The following CCT8 variants were observed in gnomAD, a reference collection of about 807,000 sequenced individuals.
The protein encoded by CCT8 is chaperonin containing TCP1 subunit 8.
Under a neutral mutation model 65.7 loss-of-function variants are expected in CCT8, and 10 were observed. The observed-to-expected ratio is 0.15, with a 90% CI of 0.09 to 0.26. The LOEUF is 0.26. Among genes scored for constraint, CCT8 ranks in the 10% least tolerant of loss-of-function variants. The pLI is 1.00. For synonymous variants in CCT8, 199 were observed against 221.8 expected (o/e 0.90, Z 0.92); for missense variants, 568 against 669.1 (o/e 0.85, Z 1.67).
chr21:29,058,735 G>A (rs1166397454), intron 14 of CCT8, among the ~76,000 whole-genome samples: 1 of 151,556 alleles, frequency 6.6e-6, no homozygotes, highest in African/African-American at 2.4e-5. Context: ...GGGACTACAG[G>A]CATCTGCCAC....
chr21:29,062,071 A>T, intron 11 of CCT8, 57 bp downstream of exon 11: 1 of 1,144,164 alleles, frequency 8.7e-7, no homozygotes, highest in Non-Finnish European at 1.3e-6. Flanking sequence ...CTGTACTTTT[A>T]AGACCATACA....
At position 29,069,515 on chromosome 21, in the gene CCT8, A is replaced by G; in HGVS notation, c.152-13T>C. ...ATTTTGTTCATTCCTCAAAAGTAAC[A>G]GTTAAAAAAAGAAAAAGAAAGCCAT... On this transcript the variant is annotated splice_polypyrimidine_tract_variant and intron_variant, in intron 2 of 14. Coordinates refer to ENST00000286788, the MANE Select transcript of CCT8 (RefSeq NM_006585.4). 1 of 1,493,728 alleles carries G rather than the reference A, an allele frequency of 6.7e-7. No individual in the cohort carries two copies. Among genetic ancestry groups the G allele is most frequent in the Non-Finnish European group, 9.0e-7 (1 of 1,109,032 alleles). 92.5% of individuals were successfully genotyped at this position (1,493,728 alleles called of 1,614,324 possible).
Position 29,059,951 on chromosome 21 carries a change from G to A in CCT8, c.1569+590C>T, listed in dbSNP as rs192087710. 87 of 152,032 alleles carry A rather than the reference G, an allele frequency of 5.7e-4. 1 individual carries two copies. Among genetic ancestry groups the A allele is most frequent in the African/African-American group, 2.0e-3 (81 of 41,426 alleles). The allele number at this position is 152,032 out of a possible 1,614,324, so 9.4% of individuals were successfully genotyped here. On this transcript the variant is annotated intron_variant, in intron 14 of 14. Transcript: ENST00000286788. ...ATTTTCTATTAAGTACTTATAAATA[G>A]TCATTGCTTATTAATTACTTCTAGA...
chr21:29,063,324 G>A lies in CCT8; in HGVS notation c.941+28C>T, dbSNP rs200392501. On this transcript the variant is annotated intron_variant, in intron 8 of 14. Transcript: ENST00000286788. The stretch of plus-strand genomic sequence containing the variant: ...CACCAAAAAACCATTTATGATATAG[G>A]TAAAAAAAAAAATCGGCTTTTTCTT... The A allele has an allele frequency of 2.6e-6, 4 of 1,533,352 alleles. No individual in the cohort carries two copies. In the South Asian group the frequency reaches 3.4e-5, roughly 13 times the overall value. 95.0% of individuals were successfully genotyped at this position (1,533,352 alleles called of 1,614,324 possible).
At chr21:29,068,292 C>A (rs1350482705) in intron 3 of CCT8, among the ~76,000 whole-genome samples, 1 of 151,900 alleles carries the variant, frequency 6.6e-6, no homozygotes, top group East Asian at 1.9e-4. Context: ...AAAAAGTCAG[C>A]CCTGTGATTT....
At chr21:29,073,492 G>A in intron 1 of CCT8, 39 bp downstream of exon 1, 1 of 1,613,774 alleles carries the variant, frequency 6.2e-7, no homozygotes. Context: ...GCAGCCCTAT[G>A]CTGACGCTCC....
Position 29,069,479 on chromosome 21 carries a change from G to T in CCT8, c.175C>A (p.His59Asn). ...TTTGTCACAAACAACTTCTCCAAGT[G>T]GTTGATAACCATTTTGTTCATTCCT... is the stretch of plus-strand genomic sequence containing the variant. ...PNGMNKMVINHLEKLFVTNDA... is the reference protein window; with the variant it reads ...PNGMNKMVINNLEKLFVTNDA... Residue 59 changes from histidine to asparagine, a missense_variant, in exon 3 of 15, where the codon CAC becomes AAC. Physicochemically the swap from His to Asn is moderately conservative, Grantham distance 68. Coordinates refer to ENST00000286788, the MANE Select transcript of CCT8 (RefSeq NM_006585.4). The T allele has an allele frequency of 6.4e-7, 1 of 1,574,000 alleles. No individual in the cohort carries two copies. The highest frequency in any genetic ancestry group is 8.6e-7 in the Non-Finnish European group (1 of 1,161,770).
At chr21:29,072,503 C>G (rs1199075396) in intron 1 of CCT8, among the ~76,000 whole-genome samples, 1 of 152,152 alleles carries the variant, frequency 6.6e-6, no homozygotes, top group Non-Finnish European at 1.5e-5. Context: ...CTGATTTTTT[C>G]AAGGGAATCA....
rs1601098258 is a variant in CCT8, at chr21:29,071,824, C to T, written c.61-1487G>A. On this transcript the variant is annotated intron_variant, in intron 1 of 14. Transcript: ENST00000286788. ...GTGAGAAACTACCATTTGATCAGAT[C>T]CCCTCATTCCCATACTTAAGACCCT... 6 of 626,160 alleles carry T rather than the reference C, an allele frequency of 9.6e-6. No individual in the cohort carries two copies. In the East Asian group the frequency reaches 1.4e-4, roughly 14 times the overall value. The allele number at this position is 626,160 out of a possible 1,614,324, so 38.8% of individuals were successfully genotyped here.
intron 8 of CCT8, chr21:29,062,888 T>C (rs556331884): frequency 8.3e-6 from 3 of 362,056 alleles, no homozygotes; most frequent in African/African-American, 6.3e-5. Flanking sequence ...CAACAGCATA[T>C]AGAAAATTTT....
Position 29,062,395 on chromosome 21 carries a change from T to C in CCT8, c.1029A>G (p.Glu343=). The C allele has an allele frequency of 1.2e-6, 2 of 1,613,970 alleles. No individual in the cohort carries two copies. The highest frequency in any genetic ancestry group is 1.7e-6 in the Non-Finnish European group (2 of 1,179,842). ...LPRLTPPVLE[E]MGHCDSVYLS... ...GGTAAACACTGTCACAGTGTCCCAT[T>C]TCTTCAAGGACAGGAGGTGTCTGTA... Residue 343 remains glutamate, a synonymous_variant, in exon 10 of 15, where the codon GAA becomes GAG. Coordinates refer to ENST00000286788, the MANE Select transcript of CCT8 (RefSeq NM_006585.4).
At position 29,066,979 on chromosome 21, in the gene CCT8, A is replaced by T. The variant is rs189051142; in HGVS notation, c.474T>A (p.Asp158Glu). Residue 158 changes from aspartate (D) to glutamate (E), a missense_variant, in exon 5 of 15, where the codon GAT becomes GAA. Transcript: ENST00000286788. The part of the protein sequence containing the change: ...CCSAKNLRDI[D>E]EVSSLLRTSI... ...AGGTACGAAGTAGAGATGAGACTTC[A>T]TCAATATCTCGAAGGTTTTTTGCAG... 27 of 1,613,638 alleles carry T rather than the reference A, an allele frequency of 1.7e-5. No homozygotes were observed. In the African/African-American group the frequency reaches 3.3e-4, roughly 20 times the overall value.
At position 29,063,481 on chromosome 21, in the gene CCT8, C is replaced by T. The variant is rs557577495; in HGVS notation, c.812G>A (p.Gly271Glu). 21 of 1,614,018 alleles carry T rather than the reference C, an allele frequency of 1.3e-5. No homozygotes were observed. In the South Asian group the frequency reaches 2.1e-4, roughly 16 times the overall value. ...TTGTGCATCCATGAGGTTTTCTTCT[C>T]CCTTACTAAAATTCATCAATTCTTC... ...TAEELMNFSK[G>E]EENLMDAQVK... The change falls in exon 8 of 15, where the codon GGA becomes GAA. Residue 271 changes from glycine to glutamate, a missense_variant. Gly to Glu is a moderately conservative substitution (Grantham distance 98). Coordinates refer to ENST00000286788, the MANE Select transcript of CCT8 (RefSeq NM_006585.4).
At chr21:29,062,660 C>A (rs1315080249) in intron 8 of CCT8, 104 bp from the exon 9 acceptor site, 10 of 841,112 alleles carry the variant, frequency 1.2e-5, no homozygotes, top group East Asian at 2.6e-5. Flanking sequence ...ATGTCACATT[C>A]CTTTGACAAT....
At chr21:29,066,341 G>C (rs2085622161) in intron 6 of CCT8, among the ~76,000 whole-genome samples, 1 of 152,112 alleles carries the variant, frequency 6.6e-6, no homozygotes, top group Non-Finnish European at 1.5e-5. Context: ...GGGAGTTCGA[G>C]ACCAGCCTGA....
chr21:29,071,941 T>A (rs559385863), intron 1 of CCT8: 2 of 702,428 alleles, frequency 2.8e-6, no homozygotes, highest in Non-Finnish European at 5.2e-6. Context: ...TGGCTCCTCC[T>A]CTGAACTTAC....
Position 29,063,529 on chromosome 21 carries a change from C to T in CCT8, c.764G>A (p.Gly255Glu). The T allele has an allele frequency of 6.2e-7, 1 of 1,612,852 alleles. No homozygotes were observed. Among genetic ancestry groups the T allele is most frequent in the Non-Finnish European group, 8.5e-7 (1 of 1,179,580 alleles). ...PFDGMITETKGTVLIKTAEEL... is the reference protein window; with the variant it reads ...PFDGMITETKETVLIKTAEEL... Reference sequence around the variant, plus strand: ...TTCAGCAGTCTTTATCAACACTGTTCCCTGGCAAAACAAGTAAACATTCCC... The same window carrying T: ...TTCAGCAGTCTTTATCAACACTGTTTCCTGGCAAAACAAGTAAACATTCCC... The change falls in exon 8 of 15, where the codon GGA becomes GAA. Residue 255 changes from glycine (G) to glutamate (E), a missense_variant and splice_region_variant. By Grantham distance (98) the Gly-to-Glu change is moderately conservative. Transcript: ENST00000286788.
chr21:29,062,673 A>G, intron 8 of CCT8, 117 bp from the exon 9 acceptor site: 3 of 768,308 alleles, frequency 3.9e-6, no homozygotes, highest in Non-Finnish European at 6.3e-6. Flanking sequence ...TTGACAATGG[A>G]TTTTAACTCA....
chr21:29,063,729 T>C (rs886285053), intron 7 of CCT8, among the ~76,000 whole-genome samples, 199 bp from the exon 8 acceptor site: 7 of 152,242 alleles, frequency 4.6e-5, no homozygotes, highest in African/African-American at 1.7e-4. Flanking sequence ...TCAAAACAGA[T>C]GCATCTGCTT....
Sources: gnomAD v4.1 joint callset for allele counts (sites outside exome capture counted in the v4.1 genomes callset) on GRCh38, gnomAD v4.1.1 for gene constraint, MANE v1.5 for transcripts, NCBI Gene and HGNC (gene_info 2026-07-23, HGNC 2026-07-21) for gene names.